The following TRIO variants were observed in gnomAD, a reference collection of about 807,000 sequenced individuals.
TRIO encodes the protein trio Rho guanine nucleotide exchange factor, also known as triple functional domain protein.
In TRIO, 58 loss-of-function variants were observed where a neutral mutation model predicts 351.9. That is an observed-to-expected ratio of 0.16 (90% CI 0.13 to 0.21). The LOEUF (loss-of-function observed/expected upper bound fraction) is 0.21, where lower values mean the gene tolerates loss of function less well. Ranked by LOEUF, TRIO falls within the 10% of genes least tolerant of loss-of-function variation. The pLI, the probability that TRIO is intolerant of heterozygous loss-of-function variation, is 1.00. For synonymous variants in TRIO, 1,758 were observed against 1,595.7 expected (o/e 1.10, Z -2.42); for missense variants, 3,201 against 4,027.8 (o/e 0.79, Z 5.56).
At chr5:14,295,581 A>T (rs779995604) in intron 6 of TRIO, among the ~76,000 whole-genome samples, 35 of 152,244 alleles carry the variant, frequency 2.3e-4, no homozygotes, top group Non-Finnish European at 4.7e-4. Context: ...AACAGAGTGC[A>T]TCTTGTGCTT....
rs781368088 is a variant in TRIO at position 14,368,935 on chromosome 5, A to G, written c.3066+36A>G. On this transcript the variant is annotated intron_variant, in intron 17 of 56. Transcript: ENST00000344204. ...AGGTTCCCTTCCTTGAACTCCACTG[A>G]TACTTTATTTTGAGCTTAATTTATT... is the stretch of plus-strand genomic sequence containing the variant. 1.3e-4 allele frequency: 202 copies of G among 1,586,286 alleles called. No individual in the cohort carries two copies. The highest frequency in any genetic ancestry group is 1.7e-4 in the Non-Finnish European group (199 of 1,161,524).
intron 49 of TRIO, among the ~76,000 whole-genome samples, chr5:14,493,337 T>C (rs760531992): frequency 6.6e-6 from 1 of 152,114 alleles, no homozygotes; most frequent in East Asian, 1.9e-4. Flanking sequence ...GGCAACCCTA[T>C]GTCAAGCAAG....
At chr5:14,147,021 G>A (rs554948467) in intron 1 of TRIO, among the ~76,000 whole-genome samples, 2 of 152,332 alleles carry the variant, frequency 1.3e-5, no homozygotes, top group African/African-American at 4.8e-5. Context: ...TTGTAATAAT[G>A]TGAGTCAAGT....
intron 5 of TRIO, among the ~76,000 whole-genome samples, chr5:14,292,168 A>G (rs1197878275): frequency 2.0e-5 from 3 of 152,242 alleles, no homozygotes; most frequent in African/African-American, 7.2e-5. Context: ...AAAAAACCAC[A>G]TTAGAATTCT....
intron 10 of TRIO, among the ~76,000 whole-genome samples, chr5:14,332,257 T>G (rs563997951): frequency 1.3e-5 from 2 of 152,208 alleles, no homozygotes; most frequent in Non-Finnish European, 2.9e-5. Flanking sequence ...GTCAACAGCT[T>G]TTCGTATGTG....
At chr5:14,146,641 G>T (rs931469474) in intron 1 of TRIO, among the ~76,000 whole-genome samples, 1 of 152,232 alleles carries the variant, frequency 6.6e-6, no homozygotes, top group Admixed American at 6.5e-5. Flanking sequence ...TCACATAAAG[G>T]TGCTGTCACC....
chr5:14,378,465 T>C (rs1018569791), intron 20 of TRIO, among the ~76,000 whole-genome samples: 1 of 152,202 alleles, frequency 6.6e-6, no homozygotes, highest in African/African-American at 2.4e-5. Context: ...TTTTTTTATA[T>C]TGATGTATTT....
intron 9 of TRIO, 119 bp from the exon 10 acceptor site, chr5:14,330,655 TCTCG>T: frequency 1.6e-6 from 2 of 1,251,450 alleles, no homozygotes; most frequent in African/African-American, 1.5e-5. Context: ...CATTTTTTTT[TCTCG>T]TTTGCTTCTT....
Position 14,363,947 on chromosome 5 carries a change from C to CTGTGTCCGTTGTGATTTCTTCA in TRIO, c.2587+24_2587+45dup. 1 of 1,599,078 alleles carries CTGTGTCCGTTGTGATTTCTTCA rather than the reference C, an allele frequency of 6.3e-7. No individual in the cohort carries two copies. Among genetic ancestry groups the CTGTGTCCGTTGTGATTTCTTCA allele is most frequent in the Non-Finnish European group, 8.5e-7 (1 of 1,171,216 alleles). On this transcript the variant is annotated intron_variant, in intron 14 of 56. Coordinates refer to ENST00000344204, the MANE Select transcript of TRIO (RefSeq NM_007118.4). ...CCTCTGGTAAGAGGGCTCACTCCATCTGTGTCCGTTGTGATTTCTTCATGT... is the reference window on the plus strand; with the variant it reads ...CCTCTGGTAAGAGGGCTCACTCCATCTGTGTCCGTTGTGATTTCTTCATGTGTCCGTTGTGATTTCTTCATGT...
chr5:14,323,175 A>C (rs994187110), intron 9 of TRIO, among the ~76,000 whole-genome samples: 1 of 146,246 alleles, frequency 6.8e-6, no homozygotes, highest in African/African-American at 2.5e-5. Context: ...CTGGTCCCCA[A>C]AGCCCACAAA....
intron 47 of TRIO, among the ~76,000 whole-genome samples, chr5:14,485,831 C>CA (rs1284045126): frequency 6.6e-6 from 1 of 151,988 alleles, no homozygotes; most frequent in African/African-American, 2.4e-5. Context: ...ACTAAAAATA[C>CA]AAAAAAATTA....
Position 14,336,532 on chromosome 5 carries a change from G to A in TRIO, c.1855-4G>A, listed in dbSNP as rs1741435841. The stretch of plus-strand genomic sequence containing the variant: ...CTGTTTCTCTGGGATGTTCTCTTGT[G>A]CAGAACACATACACCAATGCGGATA... On this transcript the variant is annotated splice_region_variant and splice_polypyrimidine_tract_variant and intron_variant, in intron 10 of 56. Coordinates refer to ENST00000344204, the MANE Select transcript of TRIO (RefSeq NM_007118.4). 1 of 1,613,808 alleles carries A rather than the reference G, an allele frequency of 6.2e-7. No individual in the cohort carries two copies. The highest frequency in any genetic ancestry group is 1.3e-5 in the African/African-American group (1 of 74,906).
intron 41 of TRIO, 159 bp downstream of exon 41, chr5:14,477,122 TC>T (rs1392523493): frequency 3.2e-6 from 2 of 632,944 alleles, no homozygotes; most frequent in Admixed American, 6.5e-5. Context: ...TAAAATCCCT[TC>T]TTCAACATGA....
At chr5:14,254,644 CCCT>C (rs1278525539) in intron 1 of TRIO, among the ~76,000 whole-genome samples, 4 of 152,178 alleles carry the variant, frequency 2.6e-5, no homozygotes, top group Non-Finnish European at 4.4e-5. Context: ...TTGGTCTCCA[CCCT>C]CCTCCTCCTG....
intron 14 of TRIO, among the ~76,000 whole-genome samples, chr5:14,364,368 A>T (rs1744414055): frequency 6.6e-6 from 1 of 151,060 alleles, no homozygotes; most frequent in Non-Finnish European, 1.5e-5. Context: ...GCAAGTAATG[A>T]GGATAACAAC....
intron 19 of TRIO, 29 bp downstream of exon 19, chr5:14,374,372 G>C (rs1187292761): frequency 6.3e-7 from 1 of 1,580,952 alleles, no homozygotes; most frequent in Admixed American, 1.7e-5. Context: ...CTCCAGGGGT[G>C]GCCCAGTGCA....
chr5:14,412,329 T>G (rs1222209277), intron 33 of TRIO, among the ~76,000 whole-genome samples: 2 of 152,226 alleles, frequency 1.3e-5, no homozygotes, highest in Non-Finnish European at 2.9e-5. Context: ...CAATCAGCTC[T>G]TTCTGTCAAG....
At chr5:14,432,180 G>A in intron 34 of TRIO, among the ~76,000 whole-genome samples, 1 of 152,214 alleles carries the variant, frequency 6.6e-6, no homozygotes, top group East Asian at 1.9e-4. Flanking sequence ...ATACCCTCAT[G>A]ACAACGTAGA....
chr5:14,182,308 C>T (rs575539039), intron 1 of TRIO, among the ~76,000 whole-genome samples: 1 of 152,318 alleles, frequency 6.6e-6, no homozygotes, highest in South Asian at 2.1e-4. Context: ...TGTTGGTTCC[C>T]TCTTAGCTGA....
Sources: gnomAD v4.1 joint callset for allele counts (sites outside exome capture counted in the v4.1 genomes callset) on GRCh38, gnomAD v4.1.1 for gene constraint, MANE v1.5 for transcripts, NCBI Gene and HGNC (gene_info 2026-07-23, HGNC 2026-07-21) for gene names.